Variants in ZSCAN25 observed in about 807,000 individuals in gnomAD.
The protein encoded by ZSCAN25 is zinc finger and SCAN domain-containing protein 25.
In ZSCAN25, 27 loss-of-function variants were observed where a neutral mutation model predicts 38.7. That is an observed-to-expected ratio of 0.70 (90% CI 0.51 to 0.96). The LOEUF (loss-of-function observed/expected upper bound fraction) is 0.96, where lower values mean the gene tolerates loss of function less well. ZSCAN25 is among the 40% of genes least tolerant of loss of function. ZSCAN25 has a pLI of 0.00. For missense variants in ZSCAN25, 637 were observed against 705.9 expected (o/e 0.90, Z 1.11); for synonymous variants, 273 against 277.7 (o/e 0.98, Z 0.17).
chr7:99,625,325 T>G (rs1213393073), intron 7 of ZSCAN25, among the ~76,000 whole-genome samples: 2 of 152,202 alleles, frequency 1.3e-5, no homozygotes, highest in African/African-American at 4.8e-5. Context: ...GCCCTCAGCC[T>G]TCACTCATTT....
downstream of ZSCAN25, among the ~76,000 whole-genome samples, chr7:99,633,745 T>C (rs952691313): frequency 6.6e-6 from 1 of 152,200 alleles, no homozygotes; most frequent in African/African-American, 2.4e-5. Context: ...CTCATGGATT[T>C]AAACATACTT....
At chr7:99,691,541 T>G in the ZSCAN25 span, among the ~76,000 whole-genome samples, 2 of 152,226 alleles carry the variant, frequency 1.3e-5, no homozygotes, top group African/African-American at 4.8e-5. Flanking sequence ...AGTCTCTTTA[T>G]AGGTCTCTAA....
At chr7:99,691,652 C>G in the ZSCAN25 span, among the ~76,000 whole-genome samples, 1 of 151,996 alleles carries the variant, frequency 6.6e-6, no homozygotes, top group Non-Finnish European at 1.5e-5. Context: ...TATGTAGTGG[C>G]CTTCTTTGTC....
At chr7:99,617,114 G>C (rs1806528728) in intron 1 of ZSCAN25, 98 bp downstream of exon 1, 1 of 152,176 alleles carries the variant, frequency 6.6e-6, no homozygotes, top group African/African-American at 2.4e-5. Context: ...CGGCAGCGGG[G>C]TTGCAGTAGA....
At chr7:99,676,399 A>G in the ZSCAN25 span, 1 of 1,512,940 alleles carries the variant, frequency 6.6e-7, no homozygotes. Context: ...AGACCCCTGA[A>G]AAGTCTCAAT....
chr7:99,731,056 C>T, the ZSCAN25 span: 1 of 1,613,776 alleles, frequency 6.2e-7, no homozygotes, highest in Non-Finnish European at 8.5e-7. Context: ...CAAAAACACT[C>T]ACCTTACGGA....
At chr7:99,664,190 A>T in the ZSCAN25 span, 1 of 1,064,000 alleles carries the variant, frequency 9.4e-7, no homozygotes, top group Non-Finnish European at 1.4e-6. Context: ...TAAGAATAAG[A>T]ACATCATGAT....
chr7:99,668,637 A>C, the ZSCAN25 span, among the ~76,000 whole-genome samples: 1 of 152,254 alleles, frequency 6.6e-6, no homozygotes, highest in African/African-American at 2.4e-5. Flanking sequence ...ACAGTTCAGC[A>C]AGAAGAAATT....
In ZSCAN25 at chr7:99,621,459, G is replaced by A. The variant is rs750370086; in HGVS notation, c.474G>A (p.Glu158=). ...CAGGCATCCAGCTGGGGCCAGTGGA[G>A]GTCAAGCCTGAATGGGGGATGCCCC... ...WEPGIQLGPV[E]VKPEWGMPPG... is the part of the protein sequence containing the mutation. Residue 158 remains glutamate, a synonymous_variant, in exon 5 of 8, where the codon GAG becomes GAA. Coordinates refer to ENST00000394152, the MANE Select transcript of ZSCAN25 (RefSeq NM_145115.3). 9 of 1,568,888 alleles carry A rather than the reference G, an allele frequency of 5.7e-6. No homozygotes were observed. Among genetic ancestry groups the A allele is most frequent in the Non-Finnish European group, 6.1e-6 (7 of 1,153,112 alleles).
At position 99,630,148 on chromosome 7, in the gene ZSCAN25, G is replaced by T; in HGVS notation, c.*128G>T. On this transcript the variant is annotated 3_prime_UTR_variant, in exon 8 of 8. Coordinates refer to ENST00000394152, the MANE Select transcript of ZSCAN25 (RefSeq NM_145115.3). ...CCACCCATTCGCCAACGCGGGAAAG[G>T]CAAGGCCTGGCTTACTTAGAGCTTC... is the stretch of plus-strand genomic sequence containing the variant. 10 of 1,424,570 alleles carry T rather than the reference G, an allele frequency of 7.0e-6. No homozygotes were observed. The highest frequency in any genetic ancestry group is 9.1e-6 in the Non-Finnish European group (10 of 1,094,188). 88.2% of individuals were successfully genotyped at this position (1,424,570 alleles called of 1,614,324 possible). A position where few individuals can be genotyped will look rare whatever the true frequency, so the allele number is the denominator to read the frequency against.
At chr7:99,632,986 G>GTTTTTTTTTTTTTTTTGTTTTT (rs201141594), downstream of ZSCAN25, among the ~76,000 whole-genome samples, 1 of 141,482 alleles carries the variant, frequency 7.1e-6, no homozygotes, top group East Asian at 2.2e-4. Flanking sequence ...TGCATTTTCT[G>GTTTTTTTTTTTTTTTTGTTTTT]TTGTTTTTTT....
At chr7:99,704,435 C>T in the ZSCAN25 span, among the ~76,000 whole-genome samples, 715 of 152,110 alleles carry the variant, frequency 4.7e-3, 5 homozygotes, top group African/African-American at 0.016. Context: ...AGATTACAGG[C>T]GTGTGCCACC....
the ZSCAN25 span, among the ~76,000 whole-genome samples, chr7:99,681,850 G>A: frequency 6.6e-6 from 1 of 152,322 alleles, no homozygotes; most frequent in East Asian, 1.9e-4. Context: ...GGTTGCCTGT[G>A]CTTGTGGGGT....
chr7:99,735,143 G>T, the ZSCAN25 span: 1 of 1,605,922 alleles, frequency 6.2e-7, no homozygotes, highest in Non-Finnish European at 8.5e-7. Context: ...TTTCAGCAGC[G>T]TGCTGCTGTT....
chr7:99,722,453 G>T, the ZSCAN25 span: 1 of 1,379,184 alleles, frequency 7.3e-7, no homozygotes, highest in Non-Finnish European at 1.0e-6. Context: ...TAGACTTGCT[G>T]GCAGTTAGAG....
chr7:99,624,809 C>T (rs1261095491), intron 7 of ZSCAN25, among the ~76,000 whole-genome samples: 1 of 152,142 alleles, frequency 6.6e-6, no homozygotes, highest in African/African-American at 2.4e-5. Flanking sequence ...AGAGAGAGCC[C>T]ACAGGGGCTG....
the ZSCAN25 span, among the ~76,000 whole-genome samples, chr7:99,670,418 T>C: frequency 6.6e-6 from 1 of 152,226 alleles, no homozygotes; most frequent in African/African-American, 2.4e-5. Context: ...TGGCTAAACA[T>C]GGTCCTGTGA....
At chr7:99,726,747 C>A in the ZSCAN25 span, among the ~76,000 whole-genome samples, 7 of 152,302 alleles carry the variant, frequency 4.6e-5, no homozygotes, top group South Asian at 1.5e-3. Flanking sequence ...ACTCTGTAGT[C>A]CCTCCTTTGA....
At chr7:99,676,125 G>A in the ZSCAN25 span, 1 of 1,613,450 alleles carries the variant, frequency 6.2e-7, no homozygotes, top group Non-Finnish European at 8.5e-7. Context: ...CTGACGATAG[G>A]ACAAAACATT....
Sources: gnomAD v4.1 joint callset for allele counts (sites outside exome capture counted in the v4.1 genomes callset) on GRCh38, gnomAD v4.1.1 for gene constraint, MANE v1.5 for transcripts, NCBI Gene and HGNC (gene_info 2026-07-23, HGNC 2026-07-21) for gene names.